NRG1: variants seen among roughly 807,000 people sequenced by gnomAD.
The protein encoded by NRG1 is pro-neuregulin-1, membrane-bound isoform.
A neutral mutation model predicts 63.8 loss-of-function variants in NRG1; 18 were observed. That is an observed-to-expected ratio of 0.28 (90% CI 0.19 to 0.42). The LOEUF (loss-of-function observed/expected upper bound fraction) is 0.42. Among genes scored for constraint, NRG1 ranks in the 10% least tolerant of loss-of-function variants. NRG1 has a pLI of 1.00. For synonymous variants in NRG1, 302 were observed against 301.3 expected (o/e 1.00, Z -0.02); for missense variants, 762 against 814.7 (o/e 0.94, Z 0.79).
At chr8:31,732,524 G>GTA in intron 1 of NRG1, among the ~76,000 whole-genome samples, 1 of 152,244 alleles carries the variant, frequency 6.6e-6, no homozygotes, top group East Asian at 1.9e-4. Context: ...ATTTTAGGCT[G>GTA]TAAGTGTAAT....
chr8:31,969,861 G>A (rs528678445), intron 1 of NRG1, among the ~76,000 whole-genome samples: 38 of 152,268 alleles, frequency 2.5e-4, no homozygotes, highest in African/African-American at 8.7e-4. Context: ...GACAGGAAGT[G>A]TATGTGACAA....
At position 31,872,168 on chromosome 8, in the gene NRG1, G is replaced by A. The variant is rs902798237; in HGVS notation, c.37+232737G>A. 5.9e-5 allele frequency among the ~76,000 whole-genome samples: 9 copies of A among 152,172 alleles called. No individual in the cohort carries two copies. In the East Asian group the frequency reaches 1.2e-3, roughly 20 times the overall value. On this transcript the variant is annotated intron_variant, in intron 1 of 10. Coordinates refer to the NRG1 transcript ENST00000519301. Reference sequence around the variant, plus strand: ...AATTCTTAGATGCCGTGGGGATGGCGAATGAACTTTTTAATTACATGTCTG... The same window carrying A: ...AATTCTTAGATGCCGTGGGGATGGCAAATGAACTTTTTAATTACATGTCTG...
intron 1 of NRG1, among the ~76,000 whole-genome samples, chr8:32,107,219 A>C (rs530463556): frequency 7.8e-4 from 1 of 1,284 alleles, no homozygotes; most frequent in Non-Finnish European, 3.4e-3. Flanking sequence ...CAGTCTTAAA[A>C]GAAAAAAAAA....
intron 1 of NRG1, among the ~76,000 whole-genome samples, chr8:32,158,368 AT>A (rs1249159553): frequency 6.7e-6 from 1 of 148,910 alleles, no homozygotes; most frequent in Non-Finnish European, 1.5e-5. Context: ...AAAGATTAAA[AT>A]AATACTATCA....
chr8:31,764,209 A>G (rs1197300075), intron 1 of NRG1, among the ~76,000 whole-genome samples: 1 of 152,096 alleles, frequency 6.6e-6, no homozygotes, highest in Non-Finnish European at 1.5e-5. Flanking sequence ...ATTGACATGC[A>G]GTTGCAAGAA....
intron 1 of NRG1, among the ~76,000 whole-genome samples, chr8:31,853,685 G>A (rs1827510876): frequency 6.6e-6 from 1 of 150,970 alleles, no homozygotes; most frequent in South Asian, 2.1e-4. Context: ...TCCCTGTCTT[G>A]TGCCAGTTTT....
intron 1 of NRG1, among the ~76,000 whole-genome samples, chr8:31,646,659 T>TA (rs1804317162): frequency 6.6e-6 from 1 of 152,240 alleles, no homozygotes; most frequent in Non-Finnish European, 1.5e-5. Flanking sequence ...GCCTCTTTGA[T>TA]AGACACATAG....
At chr8:32,150,590 C>T (rs966672488) in intron 1 of NRG1, among the ~76,000 whole-genome samples, 4 of 152,222 alleles carry the variant, frequency 2.6e-5, no homozygotes, top group East Asian at 1.9e-4. Context: ...TGTGCTGGCG[C>T]CTTAATCTTG....
intron 1 of NRG1, among the ~76,000 whole-genome samples, chr8:32,252,678 G>A (rs1440747752): frequency 6.6e-6 from 1 of 152,096 alleles, no homozygotes; most frequent in Non-Finnish European, 1.5e-5. Flanking sequence ...GGCTATACAG[G>A]CTCTCTTTTG....
intron 1 of NRG1, among the ~76,000 whole-genome samples, chr8:32,004,740 T>C (rs372225532): frequency 6.6e-6 from 1 of 151,816 alleles, no homozygotes; most frequent in East Asian, 2.0e-4. Flanking sequence ...AGAAAAAGCA[T>C]ACACAAAACA....
chr8:32,301,122 G>T (rs1855522700), intron 1 of NRG1, among the ~76,000 whole-genome samples: 1 of 152,142 alleles, frequency 6.6e-6, no homozygotes, highest in African/African-American at 2.4e-5. Flanking sequence ...CATGGAATTT[G>T]GTAGTAAAAG....
exon 12 of NRG1, chr8:32,767,304 C>G (rs1831501065): frequency 6.6e-6 from 1 of 152,142 alleles, no homozygotes; most frequent in Non-Finnish European, 1.5e-5. Flanking sequence ...AACTTGCTCA[C>G]TAACTATTCC....
intron 1 of NRG1, among the ~76,000 whole-genome samples, chr8:31,989,738 C>G (rs188712028): frequency 6.6e-6 from 1 of 152,208 alleles, no homozygotes; most frequent in Admixed American, 6.5e-5. Context: ...CTTTTGTGAA[C>G]CCTTTCTCTT....
intron 1 of NRG1, among the ~76,000 whole-genome samples, chr8:32,092,587 C>T (rs550587067): frequency 4.6e-5 from 7 of 152,096 alleles, no homozygotes; most frequent in East Asian, 3.9e-4. Context: ...GCGGGAGCTC[C>T]GGGCTCAGAA....
chr8:32,121,505 ACT>A (rs1269044060), intron 1 of NRG1, among the ~76,000 whole-genome samples: 2 of 151,668 alleles, frequency 1.3e-5, no homozygotes, highest in African/African-American at 4.8e-5. Flanking sequence ...ATTGAATGTC[ACT>A]CTGAATTCCC....
intron 1 of NRG1, among the ~76,000 whole-genome samples, chr8:32,077,586 T>C (rs970663665): frequency 1.3e-5 from 2 of 152,200 alleles, no homozygotes; most frequent in African/African-American, 4.8e-5. Context: ...ATTGATCATG[T>C]ATTGCTTTTG....
At chr8:32,637,383 A>G (rs1851535771) in intron 5 of NRG1, among the ~76,000 whole-genome samples, 1 of 152,200 alleles carries the variant, frequency 6.6e-6, no homozygotes, top group African/African-American at 2.4e-5. Context: ...TTTCTCTCAA[A>G]TAAGCCACCA....
intron 1 of NRG1, among the ~76,000 whole-genome samples, chr8:32,376,736 G>C (rs16879282): frequency 0.02 from 2,982 of 152,250 alleles, 97 homozygotes; most frequent in African/African-American, 0.068. Context: ...CTGAGGCCCT[G>C]AAACCTGGCT....
chr8:32,572,818 G>A (rs1370759990), intron 1 of NRG1, among the ~76,000 whole-genome samples: 3 of 151,804 alleles, frequency 2.0e-5, no homozygotes, highest in South Asian at 2.1e-4. Flanking sequence ...TCACAGTTTG[G>A]GTGAATCTGT....
Sources: allele counts gnomAD v4.1 joint callset (sites outside exome capture counted in the v4.1 genomes callset), GRCh38; gene constraint gnomAD v4.1.1; transcripts MANE v1.5; gene names NCBI Gene and HGNC (gene_info 2026-07-23, HGNC 2026-07-21).